The following DNAJB14 variants were observed in gnomAD, a reference collection of about 807,000 sequenced individuals.
The protein encoded by DNAJB14 is DnaJ heat shock protein family (Hsp40) member B14, also known as dnaJ homolog subfamily B member 14.
In DNAJB14, 22 loss-of-function variants were observed where a neutral mutation model predicts 48.4. The ratio of observed to expected loss-of-function variants is 0.45; its 90% confidence interval spans 0.32 to 0.65. The LOEUF (loss-of-function observed/expected upper bound fraction) is 0.65. DNAJB14 is among the 30% of genes least tolerant of loss of function. DNAJB14 has a pLI of 0.03. For synonymous variants in DNAJB14, 142 were observed against 158.7 expected (o/e 0.89, Z 0.79); for missense variants, 319 against 458.8 (o/e 0.70, Z 2.78).
rs962643203 is a variant in DNAJB14, at chr4:99,919,366, C to T, written c.451+3674G>A. On this transcript the variant is annotated intron_variant, in intron 3 of 7. Transcript: ENST00000442697. Reference sequence around the variant, plus strand: ...TTGGGAGGCTGAGGTAGGTGGATCACGAGGTCAGGAGTTCAAGACCAGCCT... The same window carrying T: ...TTGGGAGGCTGAGGTAGGTGGATCATGAGGTCAGGAGTTCAAGACCAGCCT... Among the ~76,000 whole-genome samples, 39 of 151,944 alleles carry T rather than the reference C, an allele frequency of 2.6e-4. 1 individual carries two copies. Among genetic ancestry groups the T allele is most frequent in the Non-Finnish European group, 4.4e-5 (3 of 67,980 alleles).
intron 2 of DNAJB14, chr4:99,929,097 T>TTGTG (rs1726362402): frequency 6.5e-6 from 1 of 153,266 alleles, no homozygotes; most frequent in South Asian, 2.1e-4. Flanking sequence ...TTTTGTTTGT[T>TTGTG]TGTTTGTTTG....
rs779737412 is a variant in DNAJB14 at position 99,923,217 on chromosome 4, T to C, written c.306-32A>G. The C allele has an allele frequency of 1.5e-5, 24 of 1,565,972 alleles. No homozygotes were observed. In the African/African-American group the frequency reaches 3.0e-4, roughly 20 times the overall value. On this transcript the variant is annotated intron_variant, in intron 2 of 7. Coordinates refer to ENST00000442697, the MANE Select transcript of DNAJB14 (RefSeq NM_001031723.4). ...ACAAGAGAGTGTGTTATAATGTAAATTTCAAGGAAGACGGTCATGTAATAT... is the reference window on the plus strand; with the variant it reads ...ACAAGAGAGTGTGTTATAATGTAAACTTCAAGGAAGACGGTCATGTAATAT...
intron 3 of DNAJB14, among the ~76,000 whole-genome samples, chr4:99,912,781 C>G (rs1211332219): frequency 6.6e-6 from 1 of 152,106 alleles, no homozygotes; most frequent in Non-Finnish European, 1.5e-5. Context: ...GCCCAGCCGA[C>G]TTGACATCTT....
chr4:99,897,902 G>A lies in DNAJB14; in HGVS notation c.*3126C>T, dbSNP rs1442416217. The A allele has an allele frequency of 6.6e-6, 1 of 151,764 alleles. No individual in the cohort carries two copies. Among genetic ancestry groups the A allele is most frequent in the East Asian group, 1.9e-4 (1 of 5,192 alleles). The allele number at this position is 151,764 out of a possible 1,614,324, so 9.4% of individuals were successfully genotyped here. On this transcript the variant is annotated 3_prime_UTR_variant, in exon 8 of 8. Coordinates refer to ENST00000442697, the MANE Select transcript of DNAJB14 (RefSeq NM_001031723.4). ...CTCTGATATAAAACTTGCTTAACTG[G>A]CAAGATGGCTCACTTGGTCCTCAAG...
intron 3 of DNAJB14, among the ~76,000 whole-genome samples, chr4:99,912,779 G>A (rs1233741098): frequency 1.3e-5 from 2 of 152,074 alleles, no homozygotes; most frequent in East Asian, 3.9e-4. Context: ...GTGCCCAGCC[G>A]ACTTGACATC....
intron 3 of DNAJB14, among the ~76,000 whole-genome samples, chr4:99,918,716 G>A (rs1725945797): frequency 6.8e-6 from 1 of 146,482 alleles, no homozygotes; most frequent in African/African-American, 2.4e-5. Context: ...CCCTGGCTAG[G>A]AGGAGAAGAG....
At chr4:99,916,489 G>C (rs1204467665) in intron 3 of DNAJB14, among the ~76,000 whole-genome samples, 2 of 152,158 alleles carry the variant, frequency 1.3e-5, no homozygotes, top group Non-Finnish European at 2.9e-5. Flanking sequence ...AATTGGCATA[G>C]ACAGGTCACT....
At chr4:99,905,766 A>T in intron 5 of DNAJB14, 60 bp from the exon 6 acceptor site, 2 of 1,530,730 alleles carry the variant, frequency 1.3e-6, no homozygotes, top group Non-Finnish European at 1.8e-6. Context: ...TAATAATACA[A>T]CAGTTGTCAT....
chr4:99,921,798 T>C (rs1162420677), intron 3 of DNAJB14, among the ~76,000 whole-genome samples: 1 of 152,216 alleles, frequency 6.6e-6, no homozygotes, highest in Non-Finnish European at 1.5e-5. Context: ...AAATATTTAT[T>C]GTATTTGACA....
chr4:99,943,425 A>T (rs765217608), intron 1 of DNAJB14, among the ~76,000 whole-genome samples: 3 of 152,186 alleles, frequency 2.0e-5, no homozygotes, highest in Non-Finnish European at 4.4e-5. Flanking sequence ...AGATTTATTC[A>T]AATTGTTTGC....
chr4:99,935,421 A>G (rs1578236130), intron 1 of DNAJB14, among the ~76,000 whole-genome samples: 1 of 152,204 alleles, frequency 6.6e-6, no homozygotes, highest in African/African-American at 2.4e-5. Context: ...TTCTAGAATG[A>G]ATGGAGCTTA....
At chr4:99,930,736 C>A in intron 1 of DNAJB14, 115 bp from the exon 2 acceptor site, 1 of 1,145,132 alleles carries the variant, frequency 8.7e-7, no homozygotes. Flanking sequence ...AAAGATTCAC[C>A]ATAGGATCTT....
At chr4:99,923,009 T>G in intron 3 of DNAJB14, 31 bp downstream of exon 3, 1 of 1,575,244 alleles carries the variant, frequency 6.3e-7, no homozygotes, top group Non-Finnish European at 8.6e-7. Flanking sequence ...AAAGACAGCT[T>G]AGTAAAATTG....
At chr4:99,913,738 T>C (rs1382916542) in intron 3 of DNAJB14, among the ~76,000 whole-genome samples, 8 of 152,240 alleles carry the variant, frequency 5.3e-5, no homozygotes, top group Non-Finnish European at 7.4e-5. Context: ...AGAGATTATG[T>C]AGAATTAGTT....
At chr4:99,934,882 T>C (rs1022263923) in intron 1 of DNAJB14, among the ~76,000 whole-genome samples, 6 of 149,218 alleles carry the variant, frequency 4.0e-5, no homozygotes, top group African/African-American at 1.5e-4. Flanking sequence ...TAAGACATTT[T>C]AAAAAATCAA....
Position 99,906,587 on chromosome 4 carries a change from C to G in DNAJB14, c.662G>C (p.Gly221Ala), listed in dbSNP as rs1192184305. 8 of 1,611,176 alleles carry G rather than the reference C, an allele frequency of 5.0e-6. No homozygotes were observed. Among genetic ancestry groups the G allele is most frequent in the Non-Finnish European group, 6.8e-6 (8 of 1,179,414 alleles). Residue 221 changes from glycine (G) to alanine (A), a missense_variant, in exon 5 of 8, where the codon GGA (glycine) becomes GCA (alanine). Around this residue, in one of 3 missense-constraint regions of DNAJB14, gnomAD observed 166 missense variants for 236.3 expected, o/e 0.70. Transcript: ENST00000442697. The stretch of plus-strand genomic sequence containing the variant: ...ATGTTGTTGGCTATAACCAGCTCTT[C>G]CATTTGAAAAAGAATGTACACTACC... ...PSGSVHSFSN[G>A]RAGYSQQHQH...
At chr4:99,922,833 C>A (rs1051188291) in intron 3 of DNAJB14, 2 of 485,060 alleles carry the variant, frequency 4.1e-6, no homozygotes, top group Middle Eastern at 5.8e-4. Flanking sequence ...TGTATCAGAA[C>A]TGGAATGTTG....
At chr4:99,906,056 A>G in intron 5 of DNAJB14, 1 of 1,314,098 alleles carries the variant, frequency 7.6e-7, no homozygotes, top group South Asian at 1.2e-5. Flanking sequence ...TGAGGGTAGA[A>G]GATGGGAGCT....
chr4:99,924,813 G>C (rs374950968), intron 2 of DNAJB14: 84 of 1,578,502 alleles, frequency 5.3e-5, no homozygotes, highest in Non-Finnish European at 7.1e-5. Flanking sequence ...TATCCATAAA[G>C]CTCTGAAAAA....
Sources: gnomAD v4.1 joint callset for allele counts (sites outside exome capture counted in the v4.1 genomes callset) on GRCh38, gnomAD v4.1.1 for gene constraint, gnomAD v4.1.1 regional missense constraint, MANE v1.5 for transcripts, NCBI Gene and HGNC (gene_info 2026-07-23, HGNC 2026-07-21) for gene names.